The following EXOC2 variants were observed in gnomAD, a reference collection of about 807,000 sequenced individuals.
EXOC2 encodes SEC5-like 1.
Under a neutral mutation model 131.8 loss-of-function variants are expected in EXOC2, and 70 were observed. That is an observed-to-expected ratio of 0.53 (90% CI 0.44 to 0.65). The LOEUF is 0.65. Ranked by LOEUF, EXOC2 falls within the 30% of genes least tolerant of loss-of-function variation. EXOC2 has a pLI of 0.00. For missense variants in EXOC2, 923 were observed against 1,108.6 expected, an observed-to-expected ratio of 0.83 and a Z score of 2.38; for synonymous variants, 411 against 398.4, an observed-to-expected ratio of 1.03 and a Z score of -0.38.
At chr6:577,561 A>G (rs1758652365) in intron 11 of EXOC2, among the ~76,000 whole-genome samples, 1 of 152,216 alleles carries the variant, frequency 6.6e-6, no homozygotes, top group Non-Finnish European at 1.5e-5. Flanking sequence ...TGGATCACAA[A>G]AGCCTTTAGG....
At chr6:498,953 C>T (rs183913687) in intron 24 of EXOC2, among the ~76,000 whole-genome samples, 1 of 152,298 alleles carries the variant, frequency 6.6e-6, no homozygotes, top group Admixed American at 6.5e-5. Context: ...CCTGAAATGA[C>T]TGAATGAAAA....
At chr6:583,673 G>A (rs1429083224) in intron 11 of EXOC2, among the ~76,000 whole-genome samples, 6 of 152,158 alleles carry the variant, frequency 3.9e-5, no homozygotes, top group Non-Finnish European at 5.9e-5. Context: ...GTGCACATAC[G>A]CTGCATACAT....
intron 4 of EXOC2, among the ~76,000 whole-genome samples, chr6:621,987 C>T (rs994479116): frequency 6.6e-6 from 1 of 152,212 alleles, no homozygotes; most frequent in Non-Finnish European, 1.5e-5. Context: ...ACATGCTGAA[C>T]CCCGGCTAAG....
chr6:494,498 G>A (rs1763606651), intron 25 of EXOC2, among the ~76,000 whole-genome samples: 1 of 151,396 alleles, frequency 6.6e-6, no homozygotes, highest in Admixed American at 6.6e-5. Flanking sequence ...ATCTCGAAGT[G>A]TGGCATTTGA....
chr6:649,071 T>C (rs1762715220), intron 1 of EXOC2, among the ~76,000 whole-genome samples: 2 of 152,212 alleles, frequency 1.3e-5, no homozygotes, highest in South Asian at 4.2e-4. Context: ...TGGAGGGCCG[T>C]GGAAATTCAC....
Position 633,131 on chromosome 6 carries a change from C to T in EXOC2, c.119-14G>A. The stretch of plus-strand genomic sequence containing the variant: ...AAATGGTCAAGCCTGAAAATAAACG[C>T]ATGTGCATAACAAAATTCAAAGACA... On this transcript the variant is annotated splice_polypyrimidine_tract_variant and intron_variant, in intron 2 of 27. Transcript: ENST00000230449. 1.2e-6 allele frequency: 2 copies of T among 1,609,590 alleles called. No homozygotes were observed. The highest frequency in any genetic ancestry group is 2.2e-5 in the South Asian group (2 of 90,816).
At chr6:613,245 C>T (rs1205007166) in intron 6 of EXOC2, among the ~76,000 whole-genome samples, 1 of 152,116 alleles carries the variant, frequency 6.6e-6, no homozygotes, top group Non-Finnish European at 1.5e-5. Flanking sequence ...TTATGCCAGA[C>T]ACACTTCTTG....
At chr6:634,025 A>C (rs1761981477) in intron 2 of EXOC2, among the ~76,000 whole-genome samples, 1 of 151,998 alleles carries the variant, frequency 6.6e-6, no homozygotes, top group African/African-American at 2.4e-5. Flanking sequence ...TTATGGAGAA[A>C]AGAAACCAGA....
At position 684,867 on chromosome 6, in the gene EXOC2, T is replaced by A. The variant is rs548222322; in HGVS notation, c.-44+8152A>T. 1.9e-4 allele frequency among the ~76,000 whole-genome samples: 29 copies of A among 152,282 alleles called. No homozygotes were observed. In the East Asian group the frequency reaches 5.2e-3, roughly 27 times the overall value. ...CATAAAAGCAGTACTTTTTACTATT[T>A]AGTAATGAAGAGTTTCGCTGATTTC... On this transcript the variant is annotated intron_variant, in intron 1 of 27. Coordinates refer to ENST00000230449, the MANE Select transcript of EXOC2 (RefSeq NM_018303.6).
chr6:608,450 A>C (rs1042690136), intron 7 of EXOC2, among the ~76,000 whole-genome samples: 4 of 152,254 alleles, frequency 2.6e-5, no homozygotes, highest in Non-Finnish European at 1.5e-5. Context: ...TTAATAGCAA[A>C]AAGTCCTGAC....
chr6:512,214 C>A (rs1328765016), intron 23 of EXOC2, among the ~76,000 whole-genome samples: 4 of 152,364 alleles, frequency 2.6e-5, no homozygotes, highest in African/African-American at 9.6e-5. Context: ...TTTGCAAACT[C>A]AATTCCAGTT....
chr6:618,063 C>A lies in EXOC2; in HGVS notation c.537-228G>T, dbSNP rs1167850068. Among the ~76,000 whole-genome samples, 6 of 152,092 alleles carry A rather than the reference C, an allele frequency of 3.9e-5. No individual in the cohort carries two copies. In the East Asian group the frequency reaches 1.2e-3, roughly 29 times the overall value. On this transcript the variant is annotated intron_variant, in intron 5 of 27. Transcript: ENST00000230449. ...TACAACAGCTACAAGACTTTCGGAG[C>A]CCTCGATGGTAATTCCAAATACATT...
intron 4 of EXOC2, 44 bp downstream of exon 4, chr6:629,791 A>C: frequency 1.2e-6 from 2 of 1,603,322 alleles, no homozygotes. Context: ...AAAACTTTTC[A>C]GGAACTGAAA....
intron 21 of EXOC2, among the ~76,000 whole-genome samples, chr6:551,003 A>C (rs1581419237): frequency 6.6e-6 from 1 of 152,212 alleles, no homozygotes; most frequent in Non-Finnish European, 1.5e-5. Flanking sequence ...TCTTCCTCCT[A>C]TAAGTACATT....
intron 4 of EXOC2, among the ~76,000 whole-genome samples, chr6:628,450 G>C (rs1425987275): frequency 6.6e-6 from 1 of 152,220 alleles, no homozygotes; most frequent in East Asian, 1.9e-4. Context: ...ATAATAAAGA[G>C]ATTCAAAGGC....
intron 11 of EXOC2, among the ~76,000 whole-genome samples, chr6:581,020 G>C (rs912277555): frequency 6.6e-6 from 1 of 152,106 alleles, no homozygotes; most frequent in Non-Finnish European, 1.5e-5. Flanking sequence ...GTGGCCGGGC[G>C]CGGTGGCTCA....
intron 23 of EXOC2, among the ~76,000 whole-genome samples, chr6:519,069 C>T (rs547622900): frequency 6.6e-6 from 1 of 152,220 alleles, no homozygotes; most frequent in African/African-American, 2.4e-5. Context: ...GACAGGGAAA[C>T]CATCACCCAC....
intron 1 of EXOC2, among the ~76,000 whole-genome samples, chr6:649,926 G>A (rs1288785194): frequency 6.6e-6 from 1 of 152,120 alleles, no homozygotes; most frequent in Non-Finnish European, 1.5e-5. Context: ...AGAAACAATG[G>A]AAGATGCTTA....
At position 486,895 on chromosome 6, in the gene EXOC2, C is replaced by T. The variant is rs74750997; in HGVS notation, c.2682-131G>A. ...TGGAGAAGGCAGCTGAAAAGTTCTA[C>T]CTATGGATCCTTAACTCAGCAAAAG... On this transcript the variant is annotated intron_variant, in intron 27 of 27. Coordinates refer to ENST00000230449, the MANE Select transcript of EXOC2 (RefSeq NM_018303.6). 9.9e-3 allele frequency: 6,094 copies of T among 618,494 alleles called. 247 individuals carry two copies. Among genetic ancestry groups the T allele is most frequent in the African/African-American group, 0.096 (4,991 of 51,908 alleles). The allele number at this position is 618,494 out of a possible 1,614,324, so 38.3% of individuals were successfully genotyped here.
Sources: allele counts gnomAD v4.1 joint callset (sites outside exome capture counted in the v4.1 genomes callset), GRCh38; gene constraint gnomAD v4.1.1; transcripts MANE v1.5; gene names NCBI Gene and HGNC (gene_info 2026-07-23, HGNC 2026-07-21).